The following CHST9 variants were observed in gnomAD, a reference collection of about 807,000 sequenced individuals.
CHST9 encodes GalNAc-4-sulfotransferase 2.
In CHST9, 41 loss-of-function variants were observed where a neutral mutation model predicts 44.4. The ratio of observed to expected loss-of-function variants is 0.92; its 90% CI spans 0.72 to 1.20. The LOEUF is 1.20. Among genes scored for constraint, CHST9 ranks in the 50% most tolerant of loss-of-function variants. CHST9 has a pLI of 0.00. For missense variants in CHST9, 504 were observed against 516.5 expected (o/e 0.98, Z 0.23); for synonymous variants, 171 against 178.4 (o/e 0.96, Z 0.33).
chr18:26,941,111 A>T (rs1201535780), intron 5 of CHST9, among the ~76,000 whole-genome samples: 1 of 152,154 alleles, frequency 6.6e-6, no homozygotes, highest in Non-Finnish European at 1.5e-5. Flanking sequence ...GCACCTGTTC[A>T]TGGTACTTTG....
At chr18:27,017,480 T>C (rs1009679552) in intron 4 of CHST9, among the ~76,000 whole-genome samples, 4 of 152,216 alleles carry the variant, frequency 2.6e-5, no homozygotes, top group African/African-American at 9.6e-5. Context: ...TATTACGGCA[T>C]GTGAAAGGGG....
chr18:27,087,204 C>G (rs1172535281), intron 2 of CHST9, among the ~76,000 whole-genome samples: 1 of 151,964 alleles, frequency 6.6e-6, no homozygotes, highest in African/African-American at 2.4e-5. Flanking sequence ...TTCCTAGAGC[C>G]CCTTCTAAAA....
chr18:27,113,669 C>T (rs1015183845), intron 2 of CHST9, among the ~76,000 whole-genome samples: 1 of 152,128 alleles, frequency 6.6e-6, no homozygotes, highest in Non-Finnish European at 1.5e-5. Flanking sequence ...TAGAAAACAG[C>T]TCCTCACCCA....
At chr18:26,933,261 A>G (rs551238279) in intron 5 of CHST9, 1 of 153,596 alleles carries the variant, frequency 6.5e-6, no homozygotes, top group East Asian at 1.9e-4. Context: ...TTAAATTAGT[A>G]CTTTTAACCA....
chr18:27,053,083 T>TAAAGAAGAAGAAGA (rs924717619), intron 2 of CHST9, among the ~76,000 whole-genome samples: 2 of 116,116 alleles, frequency 1.7e-5, no homozygotes, highest in African/African-American at 6.6e-5. Context: ...GAACTTAAAG[T>TAAAGAAGAAGAAGA]AAAGAAGAAG....
chr18:27,165,443 C>A (rs536106270), intron 1 of CHST9, among the ~76,000 whole-genome samples: 1 of 152,212 alleles, frequency 6.6e-6, no homozygotes, highest in South Asian at 2.1e-4. Flanking sequence ...CCAGGACATA[C>A]ATGCATGGTT....
chr18:27,079,725 C>T (rs761485250), intron 2 of CHST9, among the ~76,000 whole-genome samples: 1 of 152,136 alleles, frequency 6.6e-6, no homozygotes, highest in Non-Finnish European at 1.5e-5. Context: ...GGGAGTCTAC[C>T]GTGAGTGGGC....
chr18:26,996,156 C>T (rs1171529663), intron 4 of CHST9, among the ~76,000 whole-genome samples: 1 of 152,226 alleles, frequency 6.6e-6, no homozygotes, highest in African/African-American at 2.4e-5. Context: ...GTGGGCAGGC[C>T]TGGGTGATAC....
intron 1 of CHST9, among the ~76,000 whole-genome samples, chr18:27,178,225 C>T (rs1195754969): frequency 2.0e-5 from 3 of 151,906 alleles, no homozygotes; most frequent in African/African-American, 7.2e-5. Context: ...TAAAACATGT[C>T]CTTCTATGCA....
intron 2 of CHST9, among the ~76,000 whole-genome samples, chr18:27,139,328 CA>C (rs2058545094): frequency 6.6e-6 from 1 of 152,058 alleles, no homozygotes; most frequent in South Asian, 2.1e-4. Context: ...CAAACCAGCT[CA>C]TCTTTCAAAG....
chr18:27,040,743 A>G (rs933005882), intron 3 of CHST9, among the ~76,000 whole-genome samples: 2 of 152,180 alleles, frequency 1.3e-5, no homozygotes, highest in African/African-American at 4.8e-5. Context: ...TAAGTTGCAC[A>G]GTATACAAGT....
intron 2 of CHST9, among the ~76,000 whole-genome samples, chr18:27,056,525 G>A (rs943031633): frequency 1.3e-5 from 2 of 152,060 alleles, no homozygotes; most frequent in African/African-American, 4.8e-5. Flanking sequence ...TCTGGAAATG[G>A]GAGTAATACA....
At chr18:27,098,121 G>C (rs1159876104) in intron 2 of CHST9, among the ~76,000 whole-genome samples, 1 of 151,352 alleles carries the variant, frequency 6.6e-6, no homozygotes, top group Non-Finnish European at 1.5e-5. Flanking sequence ...CAAGGAAAAA[G>C]CAAACCCATC....
At chr18:26,993,336 T>C (rs1266190467) in intron 4 of CHST9, among the ~76,000 whole-genome samples, 1 of 152,186 alleles carries the variant, frequency 6.6e-6, no homozygotes, top group Non-Finnish European at 1.5e-5. Flanking sequence ...ATTGAAACCT[T>C]AAATTTTATT....
Position 26,907,708 on chromosome 18 carries a change from G to A in CHST9, c.*8551C>T, listed in dbSNP as rs1241002675. The A allele has an allele frequency of 6.5e-6, 1 of 153,178 alleles. No individual in the cohort carries two copies. Among genetic ancestry groups the A allele is most frequent in the Non-Finnish European group, 1.5e-5 (1 of 68,784 alleles). 9.5% of individuals were successfully genotyped at this position (153,178 alleles called of 1,614,324 possible). A position where few individuals can be genotyped will look rare whatever the true frequency, so the allele number is the denominator to read the frequency against. ...AAGAGGTGTTTTCAGAGAATGTAAT[G>A]GTTCCATGTGGCTGGATAATAGTGG... is the stretch of plus-strand genomic sequence containing the variant. On this transcript the variant is annotated 3_prime_UTR_variant, in exon 6 of 6. Coordinates refer to ENST00000618847, the MANE Select transcript of CHST9 (RefSeq NM_031422.6).
intron 1 of CHST9, among the ~76,000 whole-genome samples, chr18:27,181,735 A>G (rs2058914097): frequency 6.6e-6 from 1 of 152,242 alleles, no homozygotes; most frequent in Non-Finnish European, 1.5e-5. Context: ...AATTTCTCAA[A>G]CTTTGACTAT....
intron 4 of CHST9, among the ~76,000 whole-genome samples, chr18:26,995,331 G>A (rs995238131): frequency 3.3e-5 from 5 of 151,258 alleles, no homozygotes; most frequent in East Asian, 1.9e-4. Flanking sequence ...TCAGTTACTC[G>A]GGAGGCTGAT....
chr18:27,076,734 C>T (rs76929271), intron 2 of CHST9, among the ~76,000 whole-genome samples: 4 of 152,142 alleles, frequency 2.6e-5, no homozygotes, highest in Non-Finnish European at 5.9e-5. Context: ...TCTGTGTAAG[C>T]TTTGAATCCT....
At chr18:26,930,692 C>T (rs996278068) in intron 5 of CHST9, 1 of 153,734 alleles carries the variant, frequency 6.5e-6, no homozygotes, top group South Asian at 2.1e-4. Context: ...TTGCACTGAT[C>T]CTGACCTTTT....
Sources: allele counts gnomAD v4.1 joint callset (sites outside exome capture counted in the v4.1 genomes callset), GRCh38; gene constraint gnomAD v4.1.1; transcripts MANE v1.5; gene names NCBI Gene and HGNC (gene_info 2026-07-23, HGNC 2026-07-21).